The following DYNC1I1 variants were observed in gnomAD, a reference collection of about 807,000 sequenced individuals.
The protein encoded by DYNC1I1 is cytoplasmic dynein 1 intermediate chain 1.
In DYNC1I1, 43 loss-of-function variants were observed where a neutral mutation model predicts 86.6. That is an observed-to-expected ratio of 0.50 (90% confidence interval 0.39 to 0.64). The LOEUF (loss-of-function observed/expected upper bound fraction) is 0.64. DYNC1I1 is among the 30% of genes least tolerant of loss of function. DYNC1I1 has a pLI of 0.00. For synonymous variants in DYNC1I1, 262 were observed against 283.7 expected (o/e 0.92, Z 0.77); for missense variants, 604 against 788.8 (o/e 0.77, Z 2.81).
chr7:95,808,541 G>T (rs188335670), intron 2 of DYNC1I1, among the ~76,000 whole-genome samples: 4 of 152,068 alleles, frequency 2.6e-5, no homozygotes, highest in African/African-American at 9.7e-5. Flanking sequence ...TGAAAAATTG[G>T]CTTTAATGCA....
intron 2 of DYNC1I1, among the ~76,000 whole-genome samples, chr7:95,806,852 T>C (rs1794712683): frequency 6.6e-6 from 1 of 152,170 alleles, no homozygotes; most frequent in African/African-American, 2.4e-5. Context: ...ACTTGGTTTG[T>C]TCTGAGCAGC....
intron 6 of DYNC1I1, among the ~76,000 whole-genome samples, chr7:95,880,393 G>A (rs976509473): frequency 6.6e-6 from 1 of 152,092 alleles, no homozygotes; most frequent in Non-Finnish European, 1.5e-5. Flanking sequence ...TATCCAATTG[G>A]TAGGTTTGGA....
At chr7:95,968,802 C>T (rs1413028291) in intron 6 of DYNC1I1, among the ~76,000 whole-genome samples, 2 of 149,546 alleles carry the variant, frequency 1.3e-5, no homozygotes, top group Non-Finnish European at 3.0e-5. Context: ...ATTGCATCTT[C>T]AATTGTTCTG....
chr7:95,836,944 G>A (rs1340610842), intron 5 of DYNC1I1, among the ~76,000 whole-genome samples: 4 of 151,852 alleles, frequency 2.6e-5, no homozygotes, highest in East Asian at 1.9e-4. Flanking sequence ...TAATTTGATC[G>A]TCTGAAGCCT....
At chr7:95,818,087 G>A (rs2115868879) in intron 4 of DYNC1I1, among the ~76,000 whole-genome samples, 1 of 152,238 alleles carries the variant, frequency 6.6e-6, no homozygotes, top group Non-Finnish European at 1.5e-5. Flanking sequence ...GCAATATCCT[G>A]TCACAATAAT....
chr7:96,031,266 A>G (rs1267421375), intron 11 of DYNC1I1, among the ~76,000 whole-genome samples: 2 of 152,204 alleles, frequency 1.3e-5, no homozygotes, highest in African/African-American at 4.8e-5. Context: ...TCACCAGGAT[A>G]GGAAAGGTTT....
intron 6 of DYNC1I1, among the ~76,000 whole-genome samples, chr7:95,871,005 T>A (rs1456002010): frequency 6.6e-6 from 1 of 152,154 alleles, no homozygotes. Context: ...AGCCATGAAA[T>A]GCAAAAATGA....
intron 5 of DYNC1I1, among the ~76,000 whole-genome samples, chr7:95,863,243 A>T (rs1584104947): frequency 6.6e-6 from 1 of 152,240 alleles, no homozygotes; most frequent in Non-Finnish European, 1.5e-5. Context: ...AAAATGTTAG[A>T]CTAAGTAAAA....
At chr7:95,947,500 A>C (rs1792434286) in intron 6 of DYNC1I1, among the ~76,000 whole-genome samples, 1 of 152,114 alleles carries the variant, frequency 6.6e-6, no homozygotes, top group South Asian at 2.1e-4. Context: ...GTCTACCCAG[A>C]GCCCCCTGCT....
chr7:95,821,611 A>C (rs1795077583), intron 4 of DYNC1I1, among the ~76,000 whole-genome samples: 1 of 152,176 alleles, frequency 6.6e-6, no homozygotes, highest in Non-Finnish European at 1.5e-5. Context: ...AGCAAAGATA[A>C]GGAACAAGAA....
intron 6 of DYNC1I1, among the ~76,000 whole-genome samples, chr7:95,918,704 G>T (rs1791533852): frequency 6.6e-6 from 1 of 152,186 alleles, no homozygotes; most frequent in Non-Finnish European, 1.5e-5. Context: ...ATGGAAGGTT[G>T]CTGAGGCCTT....
In DYNC1I1 at chr7:96,086,711, A is replaced by G. The variant is rs201333593; in HGVS notation, c.1776+6223A>G. 6.6e-5 allele frequency among the ~76,000 whole-genome samples: 10 copies of G among 152,318 alleles called. No homozygotes were observed. The East Asian group carries it at 1.9e-3, about 29-fold the overall frequency. On this transcript the variant is annotated intron_variant, in intron 16 of 16. Coordinates refer to ENST00000447467, the MANE Select transcript of DYNC1I1 (RefSeq NM_001135556.2). ...GCTTTGAAAAATTCTTGGAAAAGAA[A>G]GATGTGGGTTAACATGAGAGATCAA...
chr7:95,818,140 G>A (rs1409162432), intron 4 of DYNC1I1, among the ~76,000 whole-genome samples: 1 of 151,812 alleles, frequency 6.6e-6, no homozygotes, highest in Non-Finnish European at 1.5e-5. Context: ...GTCCGAAGGG[G>A]AGATTTCTGA....
chr7:95,987,447 C>G (rs1174272365), intron 9 of DYNC1I1, among the ~76,000 whole-genome samples: 1 of 152,164 alleles, frequency 6.6e-6, no homozygotes, highest in Non-Finnish European at 1.5e-5. Context: ...TATTTTTAAT[C>G]CCACATCTGT....
chr7:95,902,016 A>G (rs1284713788), intron 6 of DYNC1I1, among the ~76,000 whole-genome samples: 1 of 152,218 alleles, frequency 6.6e-6, no homozygotes, highest in Non-Finnish European at 1.5e-5. Flanking sequence ...CTGAATGCAC[A>G]TGAGCTGCCA....
chr7:96,065,390 T>TTG (rs1554441683), intron 14 of DYNC1I1, among the ~76,000 whole-genome samples: 5 of 149,670 alleles, frequency 3.3e-5, no homozygotes, highest in African/African-American at 9.8e-5. Flanking sequence ...TTTTTTTTTT[T>TTG]TTTTTGAGAC....
At chr7:96,105,954 CTCT>C (rs1791207803) in intron 16 of DYNC1I1, among the ~76,000 whole-genome samples, 1 of 152,092 alleles carries the variant, frequency 6.6e-6, no homozygotes, top group South Asian at 2.1e-4. Context: ...TCATACTATT[CTCT>C]TATTACCCTT....
intron 14 of DYNC1I1, among the ~76,000 whole-genome samples, chr7:96,063,489 G>A (rs1254810993): frequency 6.6e-6 from 1 of 152,126 alleles, no homozygotes; most frequent in African/African-American, 2.4e-5. Context: ...GAGGCTAGAA[G>A]TTCAAGATCA....
At chr7:95,916,709 C>G (rs1456068994) in intron 6 of DYNC1I1, among the ~76,000 whole-genome samples, 1 of 152,120 alleles carries the variant, frequency 6.6e-6, no homozygotes, top group Non-Finnish European at 1.5e-5. Context: ...GTCTCTTAAA[C>G]CCAGTTTTGC....
Sources: gnomAD v4.1 joint callset for allele counts (sites outside exome capture counted in the v4.1 genomes callset) on GRCh38, gnomAD v4.1.1 for gene constraint, MANE v1.5 for transcripts, NCBI Gene and HGNC (gene_info 2026-07-23, HGNC 2026-07-21) for gene names.